ARHGAP44: variants seen among roughly 807,000 people sequenced by gnomAD.
ARHGAP44 encodes Rho GTPase activating protein 44, also known as rho GTPase-activating protein 44.
A neutral mutation model predicts 106.8 loss-of-function variants in ARHGAP44; 43 were observed. The ratio of observed to expected loss-of-function variants is 0.40; its 90% CI spans 0.32 to 0.52. ARHGAP44 has a LOEUF of 0.52. ARHGAP44 is among the 20% of genes least tolerant of loss of function. The pLI is 0.48. For synonymous variants in ARHGAP44, 439 were observed against 410.3 expected, an observed-to-expected ratio of 1.07 and a Z score of -0.85; for missense variants, 866 against 1,050.5, an observed-to-expected ratio of 0.82 and a Z score of 2.43.
intron 1 of ARHGAP44, among the ~76,000 whole-genome samples, chr17:12,823,062 C>T: frequency 6.6e-6 from 1 of 152,180 alleles, no homozygotes; most frequent in Non-Finnish European, 1.5e-5. Context: ...TTGTATCTGG[C>T]AATCCCTCTT....
At position 12,974,189 on chromosome 17, in the gene ARHGAP44, C is replaced by G. The variant is rs756286959; in HGVS notation, c.1642C>G (p.Pro548Ala). 8 of 1,549,354 alleles carry G rather than the reference C, an allele frequency of 5.2e-6. No individual in the cohort carries two copies. The Admixed American group carries it at 1.4e-4, about 27-fold the overall frequency. The change falls in exon 18 of 21, where the codon CCG (proline) becomes GCG (alanine). Residue 548 changes from proline to alanine, a missense_variant. Physicochemically the swap from Pro to Ala is conservative, Grantham distance 27. This residue lies in a region of ARHGAP44 where 418 missense variants were observed against 403.6 expected (regional missense o/e 1.04). Transcript: ENST00000379672. ...CCCGCCCTCCATGCAGCCTCCCGCC[C>G]CGCCCGCCGAGCTGGCTGCGCCCCT... ...CAPPSMQPPA[P>A]PAELAAPLPS...
At chr17:12,929,090 G>A in intron 7 of ARHGAP44, 44 bp downstream of exon 7, 1 of 1,529,618 alleles carries the variant, frequency 6.5e-7, no homozygotes, top group Non-Finnish European at 8.9e-7. Context: ...AGGCTGGGGA[G>A]CCCTCAGGGA....
At chr17:12,930,771 A>G (rs1179559664) in intron 7 of ARHGAP44, among the ~76,000 whole-genome samples, 1 of 152,204 alleles carries the variant, frequency 6.6e-6, no homozygotes. Flanking sequence ...TTCGTAGTAC[A>G]TGTTCAGCAT....
intron 1 of ARHGAP44, among the ~76,000 whole-genome samples, chr17:12,798,702 AT>A (rs68131682): frequency 0.11 from 16,432 of 151,772 alleles, 1,132 homozygotes; most frequent in East Asian, 0.25. Context: ...AAAGCATTTG[AT>A]TTTTTTCCCC....
In ARHGAP44 at chr17:12,817,612, A is replaced by G. The variant is rs190714456; in HGVS notation, c.53+27721A>G. Among the ~76,000 whole-genome samples the G allele has an allele frequency of 1.1e-3, 165 of 152,186 alleles. 2 individuals carry two copies. In the East Asian group the frequency reaches 0.027, roughly 25 times the overall value. ...GCTGATGTTTTGAAAAGATCGATAA[A>G]GTTGATCTGGCCAGACCGACTAAGG... On this transcript the variant is annotated intron_variant, in intron 1 of 20. Coordinates refer to ENST00000379672, the MANE Select transcript of ARHGAP44 (RefSeq NM_014859.6).
At chr17:12,912,462 A>C (rs1257278515) in intron 4 of ARHGAP44, among the ~76,000 whole-genome samples, 1 of 152,154 alleles carries the variant, frequency 6.6e-6, no homozygotes, top group Non-Finnish European at 1.5e-5. Flanking sequence ...TCAATCCAGG[A>C]AGTCTTATGC....
rs2150955072 is a variant in ARHGAP44 at position 12,919,736 on chromosome 17, T to C, written c.388-19T>C. 1 of 1,602,560 alleles carries C rather than the reference T, an allele frequency of 6.2e-7. No individual in the cohort carries two copies. ...TTGAGCTTCAGTTTAATTGTATCTTTTATGTTGTGTAACCACAGGTGGAAA... is the reference window on the plus strand; with the variant it reads ...TTGAGCTTCAGTTTAATTGTATCTTCTATGTTGTGTAACCACAGGTGGAAA... On this transcript the variant is annotated intron_variant, in intron 5 of 20. Coordinates refer to ENST00000379672, the MANE Select transcript of ARHGAP44 (RefSeq NM_014859.6).
intron 3 of ARHGAP44, 74 bp from the exon 4 acceptor site, chr17:12,908,823 G>T: frequency 8.3e-7 from 1 of 1,206,782 alleles, no homozygotes; most frequent in South Asian, 1.3e-5. Flanking sequence ...GCAAGTATTT[G>T]ACTTTTTGCT....
chr17:12,921,625 T>C (rs2038088732), intron 6 of ARHGAP44, among the ~76,000 whole-genome samples: 1 of 152,150 alleles, frequency 6.6e-6, no homozygotes, highest in South Asian at 2.1e-4. Context: ...TTTCTTGAAA[T>C]AAAGAAACAG....
At chr17:12,973,212 A>G (rs901941320) in intron 16 of ARHGAP44, 90 bp from the exon 17 acceptor site, 1 of 1,354,748 alleles carries the variant, frequency 7.4e-7, no homozygotes, top group African/African-American at 1.4e-5. Flanking sequence ...TGGACCATGG[A>G]GAGAGACCCC....
chr17:12,842,414 C>CAAAAAAAAA (rs558245390), intron 1 of ARHGAP44, among the ~76,000 whole-genome samples: 1 of 56,420 alleles, frequency 1.8e-5, no homozygotes, highest in Non-Finnish European at 4.2e-5. Context: ...GAGACCATCT[C>CAAAAAAAAA]AAAAAAAAAA....
At position 12,914,615 on chromosome 17, in the gene ARHGAP44, T is replaced by C. The variant is rs151105957; in HGVS notation, c.276-1285T>C. Among the ~76,000 whole-genome samples, 571 of 151,984 alleles carry C rather than the reference T, an allele frequency of 3.8e-3. 17 individuals are homozygous for C. The East Asian group carries it at 0.069, about 18-fold the overall frequency. ...TTCGAGACCAGTCTGGCCAACATGGTGAAACCCCATGTCTACTAAAAATAC... is the reference window on the plus strand; with the variant it reads ...TTCGAGACCAGTCTGGCCAACATGGCGAAACCCCATGTCTACTAAAAATAC... On this transcript the variant is annotated intron_variant, in intron 4 of 20. Coordinates refer to ENST00000379672, the MANE Select transcript of ARHGAP44 (RefSeq NM_014859.6).
chr17:12,806,670 C>T (rs1004097088), intron 1 of ARHGAP44, among the ~76,000 whole-genome samples: 33 of 152,330 alleles, frequency 2.2e-4, no homozygotes, highest in African/African-American at 7.5e-4. Context: ...CATATTTTGG[C>T]TCTATCACTT....
intron 3 of ARHGAP44, among the ~76,000 whole-genome samples, chr17:12,902,112 T>G (rs970840505): frequency 1.3e-5 from 2 of 152,172 alleles, no homozygotes; most frequent in Non-Finnish European, 2.9e-5. Context: ...GGGATTCCCT[T>G]TGTAGAATAA....
chr17:12,980,910 A>G (rs535218146), intron 19 of ARHGAP44: 10 of 152,124 alleles, frequency 6.6e-5, no homozygotes, highest in Non-Finnish European at 1.3e-4. Flanking sequence ...ATTTCAGACC[A>G]CTCGCACTTC....
Position 12,949,267 on chromosome 17 carries a change from C to G in ARHGAP44, c.973+16C>G. ...GCAATTGCAGGTGGGCACCTCTCAG[C>G]GCTCCTGTGTGCCATGGAGGCTCAC... On this transcript the variant is annotated intron_variant, in intron 11 of 20. Coordinates refer to ENST00000379672, the MANE Select transcript of ARHGAP44 (RefSeq NM_014859.6). The surrounding 1 kb of genome is among the most constrained non-coding windows in gnomAD (Gnocchi z 4.1). 6.5e-7 allele frequency: 1 copy of G among 1,550,120 alleles called. No homozygotes were observed. The highest frequency in any genetic ancestry group is 2.4e-5 in the East Asian group (1 of 40,962).
At chr17:12,845,272 G>T (rs2035530191) in intron 1 of ARHGAP44, among the ~76,000 whole-genome samples, 1 of 152,032 alleles carries the variant, frequency 6.6e-6, no homozygotes, top group Non-Finnish European at 1.5e-5. Context: ...CACTTTGGGA[G>T]GCTGAGGTGG....
chr17:12,862,209 A>G (rs2036106975), intron 1 of ARHGAP44, among the ~76,000 whole-genome samples: 1 of 152,094 alleles, frequency 6.6e-6, no homozygotes, highest in Non-Finnish European at 1.5e-5. Context: ...GCTGTCAGCC[A>G]CCTTGGATCT....
chr17:12,806,989 GGTAAA>G (rs2034294346), intron 1 of ARHGAP44, among the ~76,000 whole-genome samples: 1 of 152,050 alleles, frequency 6.6e-6, no homozygotes, highest in Admixed American at 6.5e-5. Flanking sequence ...TTTCTTGCTT[GGTAAA>G]GTAGTCTCTA....
Sources: allele counts gnomAD v4.1 joint callset (sites outside exome capture counted in the v4.1 genomes callset), GRCh38; gene constraint gnomAD v4.1.1; regional missense constraint gnomAD v4.1.1; non-coding constraint Gnocchi (gnomAD v3.1); transcripts MANE v1.5; gene names NCBI Gene and HGNC (gene_info 2026-07-23, HGNC 2026-07-21).